The following NCKAP5 variants were observed in gnomAD, a reference collection of about 807,000 sequenced individuals.
The protein encoded by NCKAP5 is nck-associated protein 5.
A neutral mutation model predicts 167.0 loss-of-function variants in NCKAP5; 92 were observed. That is an observed-to-expected ratio of 0.55 (90% CI 0.47 to 0.66). The LOEUF (loss-of-function observed/expected upper bound fraction) is 0.66, where lower values mean the gene tolerates loss of function less well. Ranked by LOEUF, NCKAP5 falls within the 30% of genes least tolerant of loss-of-function variation. The pLI, the probability that NCKAP5 is intolerant of heterozygous loss-of-function variation, is 0.00. For synonymous variants in NCKAP5, 891 were observed against 877.4 expected (o/e 1.02, Z -0.27); for missense variants, 2,378 against 2,315.0 (o/e 1.03, Z -0.56).
At chr2:133,324,142 A>C (rs533189534) in intron 3 of NCKAP5, among the ~76,000 whole-genome samples, 2 of 152,356 alleles carry the variant, frequency 1.3e-5, no homozygotes, top group East Asian at 3.9e-4. Context: ...GCTAGACTGC[A>C]TGAAATTTAC....
intron 3 of NCKAP5, among the ~76,000 whole-genome samples, chr2:133,441,825 A>T (rs1037158389): frequency 6.6e-6 from 1 of 152,054 alleles, no homozygotes; most frequent in African/African-American, 2.4e-5. Context: ...TCCTAAGCGA[A>T]CTCTCAGGGA....
At chr2:132,861,678 A>C (rs948632890) in intron 10 of NCKAP5, among the ~76,000 whole-genome samples, 2 of 152,082 alleles carry the variant, frequency 1.3e-5, no homozygotes, top group African/African-American at 4.8e-5. Flanking sequence ...GTACAGTTCA[A>C]ACTTTATCAC....
intron 5 of NCKAP5, among the ~76,000 whole-genome samples, chr2:133,193,597 A>G (rs1021965319): frequency 1.3e-5 from 2 of 152,246 alleles, no homozygotes; most frequent in Admixed American, 1.3e-4. Flanking sequence ...ATTTATAAAT[A>G]TAAACACTAG....
chr2:132,702,058 T>C (rs958677702), intron 19 of NCKAP5, among the ~76,000 whole-genome samples: 1 of 152,144 alleles, frequency 6.6e-6, no homozygotes, highest in Admixed American at 6.6e-5. Context: ...TCCAATTAAG[T>C]GAACCACATA....
the NCKAP5 span, among the ~76,000 whole-genome samples, chr2:133,649,968 C>CA: frequency 4.0e-5 from 6 of 150,840 alleles, no homozygotes; most frequent in South Asian, 6.3e-4. Context: ...AAGACTCCAC[C>CA]AAAAAAAATA....
chr2:132,753,171 T>C (rs1019090994), intron 16 of NCKAP5, among the ~76,000 whole-genome samples: 2 of 152,178 alleles, frequency 1.3e-5, no homozygotes, highest in East Asian at 3.9e-4. Context: ...CTTAAGGAGA[T>C]AGCGTTTGTG....
intron 8 of NCKAP5, among the ~76,000 whole-genome samples, chr2:132,914,625 A>G (rs1313491614): frequency 6.6e-6 from 1 of 152,028 alleles, no homozygotes; most frequent in East Asian, 1.9e-4. Flanking sequence ...AACACAATGG[A>G]ATCTTGAATG....
intron 16 of NCKAP5, among the ~76,000 whole-genome samples, chr2:132,772,054 T>C (rs1352141065): frequency 1.3e-5 from 2 of 152,016 alleles, no homozygotes; most frequent in African/African-American, 4.8e-5. Flanking sequence ...AGACAAATAC[T>C]TACCATTGTG....
chr2:133,261,696 C>T (rs1489934708), intron 4 of NCKAP5, among the ~76,000 whole-genome samples: 1 of 152,166 alleles, frequency 6.6e-6, no homozygotes, highest in African/African-American at 2.4e-5. Context: ...TATCTTTAAA[C>T]TAAACTGGTT....
intron 19 of NCKAP5, 104 bp downstream of exon 19, chr2:132,725,523 A>C: frequency 2.5e-5 from 34 of 1,373,596 alleles, no homozygotes; most frequent in Non-Finnish European, 3.3e-5. Context: ...CATGAAGAAA[A>C]AACATAAAAT....
At chr2:132,860,377 T>G (rs2148712436) in intron 11 of NCKAP5, 115 bp downstream of exon 11, 1 of 1,188,728 alleles carries the variant, frequency 8.4e-7, no homozygotes, top group Non-Finnish European at 1.2e-6. Flanking sequence ...AGGAAAGAAT[T>G]GGGATTCTGA....
intron 3 of NCKAP5, among the ~76,000 whole-genome samples, chr2:133,435,631 G>A (rs980155328): frequency 2.0e-4 from 30 of 152,302 alleles, no homozygotes; most frequent in Middle Eastern, 3.4e-3. Context: ...ATACAGCAAA[G>A]TTAGAGAAGG....
chr2:132,891,358 A>G (rs923767067), intron 8 of NCKAP5, among the ~76,000 whole-genome samples: 1 of 152,182 alleles, frequency 6.6e-6, no homozygotes, highest in African/African-American at 2.4e-5. Flanking sequence ...CAGCACTTTG[A>G]GAGCTAGTGC....
chr2:132,816,709 A>T (rs1277884580), intron 11 of NCKAP5, among the ~76,000 whole-genome samples: 1 of 152,164 alleles, frequency 6.6e-6, no homozygotes, highest in Non-Finnish European at 1.5e-5. Flanking sequence ...ACTGGATGAC[A>T]CTTGTCCTGT....
chr2:133,407,905 A>G (rs1172510744), intron 3 of NCKAP5, among the ~76,000 whole-genome samples: 2 of 152,214 alleles, frequency 1.3e-5, no homozygotes, highest in Admixed American at 1.3e-4. Context: ...GCAGTAGAAC[A>G]GATAGGAAAG....
Position 132,784,215 on chromosome 2 carries a change from G to C in NCKAP5, c.2596C>G (p.Pro866Ala). 2 of 1,582,010 alleles carry C rather than the reference G, an allele frequency of 1.3e-6. No homozygotes were observed. Among genetic ancestry groups the C allele is most frequent in the Non-Finnish European group, 1.7e-6 (2 of 1,166,124 alleles). The change falls in exon 14 of 20, where the codon CCA becomes GCA. Residue 866 changes from proline to alanine, a missense_variant. This residue lies in a region of NCKAP5 where 1,049 missense variants were observed against 1,023.4 expected (regional missense o/e 1.02). Transcript: ENST00000409261. ...LFELRSDPHI[P>A]KHSAQLPHSS... is the part of the protein sequence containing the mutation. Reference sequence around the variant, plus strand: ...TGCGGAAGTTGGGCGGAATGTTTTGGAATGTGTGGATCTGATCGTAATTCA... The same window carrying C: ...TGCGGAAGTTGGGCGGAATGTTTTGCAATGTGTGGATCTGATCGTAATTCA...
At chr2:133,115,253 C>G (rs751658225) in intron 6 of NCKAP5, among the ~76,000 whole-genome samples, 1 of 152,140 alleles carries the variant, frequency 6.6e-6, no homozygotes, top group Non-Finnish European at 1.5e-5. Flanking sequence ...TGGTGGAAGA[C>G]TTTTCAAATT....
In NCKAP5 at chr2:132,782,024, T is replaced by C; in HGVS notation, c.4787A>G (p.Asn1596Ser). ...ATTCCTTGGTTCAATCTTCAGTTGG[T>C]TGTAAATGTCTTGTGGTGTTCTCCG... The part of the protein sequence containing the change: ...NNRRTPQDIY[N>S]QLKIEPRNRH... Residue 1596 changes from asparagine to serine, a missense_variant, in exon 14 of 20, where the codon AAC becomes AGC. Physicochemically the swap from Asn to Ser is conservative, Grantham distance 46. This residue lies in a region of NCKAP5 where 1,325 missense variants were observed against 1,274.5 expected (regional missense o/e 1.04). Coordinates refer to ENST00000409261, the MANE Select transcript of NCKAP5 (RefSeq NM_207363.3). 4 of 1,614,048 alleles carry C rather than the reference T, an allele frequency of 2.5e-6. No individual in the cohort carries two copies. The highest frequency in any genetic ancestry group is 3.4e-6 in the Non-Finnish European group (4 of 1,179,892).
At chr2:133,281,538 T>C (rs925051327) in intron 4 of NCKAP5, among the ~76,000 whole-genome samples, 4 of 152,140 alleles carry the variant, frequency 2.6e-5, no homozygotes, top group African/African-American at 7.2e-5. Flanking sequence ...TGGAGAGATA[T>C]TGGAAATTAA....
Sources: allele counts gnomAD v4.1 joint callset (sites outside exome capture counted in the v4.1 genomes callset), GRCh38; gene constraint gnomAD v4.1.1; regional missense constraint gnomAD v4.1.1; transcripts MANE v1.5; gene names NCBI Gene and HGNC (gene_info 2026-07-23, HGNC 2026-07-21).